The following DHCR7 variants were observed in gnomAD, a reference collection of about 807,000 sequenced individuals.
DHCR7 encodes the protein 7-DHC reductase.
Under a neutral mutation model 43.3 loss-of-function variants are expected in DHCR7, and 40 were observed. That is an observed-to-expected ratio of 0.92 (90% CI 0.72 to 1.20). The LOEUF is 1.20. Ranked by LOEUF, DHCR7 falls within the 50% of genes most tolerant of loss-of-function variation. DHCR7 has a pLI of 0.00. For missense variants in DHCR7, 608 were observed against 644.6 expected (o/e 0.94, Z 0.62); for synonymous variants, 298 against 271.4 (o/e 1.10, Z -0.96).
chr11:71,431,419 C>G (rs1013297112), downstream of DHCR7, among the ~76,000 whole-genome samples: 1 of 152,170 alleles, frequency 6.6e-6, no homozygotes, highest in Non-Finnish European at 1.5e-5. Flanking sequence ...TGCCTCCTGT[C>G]GCTATCACTG....
In DHCR7 at chr11:71,435,666, C is replaced by T. The variant is rs987527099; in HGVS notation, c.1137G>A (p.Glu379=). 1.2e-6 allele frequency: 2 copies of T among 1,613,080 alleles called. No individual in the cohort carries two copies. Among genetic ancestry groups the T allele is most frequent in the Non-Finnish European group, 1.7e-6 (2 of 1,179,928 alleles). Residue 379 remains glutamate (E), a synonymous_variant, in exon 9 of 9, where the codon GAG becomes GAA. Transcript: ENST00000355527. ...LIWGRKPKVI[E]CSYTSADGQR... Reference sequence around the variant, plus strand: ...GCCCATCGGCGGATGTGTAGGAGCACTCGATGACCTTGGGCTTCCTGCCCC... The same window carrying T: ...GCCCATCGGCGGATGTGTAGGAGCATTCGATGACCTTGGGCTTCCTGCCCC...
Position 71,438,987 on chromosome 11 carries a change from C to A in DHCR7, c.723G>T (p.Gly241=), listed in dbSNP as rs369654651. ...GGGTCCAGGCGACGATCCCGGGGCG[C>A]CCATTGAAGAACAGCTTGAAGTCAA... The part of the protein sequence containing the change: ...KWFDFKLFFN[G]RPGIVAWTLI... The change falls in exon 7 of 9, where the codon GGG becomes GGT. Residue 241 remains glycine (G), a synonymous_variant. Coordinates refer to ENST00000355527, the MANE Select transcript of DHCR7 (RefSeq NM_001360.3). 2.7e-5 allele frequency: 43 copies of A among 1,613,964 alleles called. No individual in the cohort carries two copies. Among genetic ancestry groups the A allele is most frequent in the Non-Finnish European group, 3.4e-5 (40 of 1,180,050 alleles).
Position 71,444,949 on chromosome 11 carries a change from C to T in DHCR7, c.4G>A (p.Ala2Thr), listed in dbSNP as rs1393635021. ...GGAATGTTGGGTTGCGATTTTGCAG[C>T]CATTGGGCCCTGCAAGAAAGAGAAC... M[A>T]AKSQPNIPKA... Residue 2 changes from alanine to threonine, a missense_variant, in exon 3 of 9, where the codon GCT (alanine) becomes ACT (threonine). Coordinates refer to ENST00000355527, the MANE Select transcript of DHCR7 (RefSeq NM_001360.3). 1 of 1,614,076 alleles carries T rather than the reference C, an allele frequency of 6.2e-7. No individual in the cohort carries two copies. The highest frequency in any genetic ancestry group is 2.2e-5 in the East Asian group (1 of 44,876).
intron 6 of DHCR7, among the ~76,000 whole-genome samples, chr11:71,440,629 T>C (rs1442204019): frequency 1.4e-5 from 2 of 145,908 alleles, no homozygotes; most frequent in African/African-American, 2.6e-5. Context: ...GGGTGATGGA[T>C]AGGTGGATGG....
In DHCR7 at chr11:71,441,208, C is replaced by T. The variant is rs766274375; in HGVS notation, c.626+19G>A. On this transcript the variant is annotated intron_variant, in intron 6 of 8. Coordinates refer to ENST00000355527, the MANE Select transcript of DHCR7 (RefSeq NM_001360.3). ...TTTGCACTTTCTACATCAGGCTGGA[C>T]CCGCTGCTAAGAACATACCAGTCTC... 4 of 1,613,068 alleles carry T rather than the reference C, an allele frequency of 2.5e-6. No homozygotes were observed. Among genetic ancestry groups the T allele is most frequent in the Admixed American group, 1.7e-5 (1 of 60,030 alleles).
chr11:71,428,964 C>G, intron 2 of DHCR7: 2 of 425,514 alleles, frequency 4.7e-6, no homozygotes, highest in South Asian at 3.5e-5. Flanking sequence ...CCTCACTTAT[C>G]TAAGTCTGTA....
intron 6 of DHCR7, among the ~76,000 whole-genome samples, chr11:71,439,415 T>C (rs1416456303): frequency 6.6e-6 from 1 of 152,206 alleles, no homozygotes; most frequent in Non-Finnish European, 1.5e-5. Context: ...CTTCTCCAGA[T>C]GCCCTTGACG....
intron 6 of DHCR7, among the ~76,000 whole-genome samples, chr11:71,440,732 T>A (rs923474939): frequency 4.1e-5 from 1 of 24,220 alleles, no homozygotes; most frequent in Admixed American, 4.5e-4. Context: ...GGTGGATGGG[T>A]GGGTGGGGAG....
chr11:71,444,078 T>A lies in DHCR7; in HGVS notation c.236A>T (p.His79Leu), dbSNP rs1949377036. The A allele has an allele frequency of 6.2e-7, 1 of 1,613,634 alleles. No individual in the cohort carries two copies. The highest frequency in any genetic ancestry group is 8.5e-7 in the Non-Finnish European group (1 of 1,179,906). The change falls in exon 4 of 9, where the codon CAT (histidine) becomes CTT (leucine). Residue 79 changes from histidine to leucine, a missense_variant. Coordinates refer to ENST00000355527, the MANE Select transcript of DHCR7 (RefSeq NM_001360.3). ...GGCCCAGATGTCCGAGAGCCGAGCA[T>A]GTCCGGTGACGATGTCCACCACAGG... ...TGPVVDIVTG[H>L]ARLSDIWAKT...
At position 71,435,737 on chromosome 11, in the gene DHCR7, G is replaced by T; in HGVS notation, c.1066C>A (p.His356Asn). The part of the protein sequence containing the change: ...VGYYIFRVAN[H>N]QKDLFRRTDG... ...GTGCGGCGGAACAGGTCCTTCTGGTGGTTGGCCACCCGGAAGATGTAGTAG... is the reference window on the plus strand; with the variant it reads ...GTGCGGCGGAACAGGTCCTTCTGGTTGTTGGCCACCCGGAAGATGTAGTAG... Residue 356 changes from histidine to asparagine, a missense_variant, in exon 9 of 9, where the codon CAC becomes AAC. Transcript: ENST00000355527. 2 of 1,612,434 alleles carry T rather than the reference G, an allele frequency of 1.2e-6. No individual in the cohort carries two copies. The highest frequency in any genetic ancestry group is 1.7e-6 in the Non-Finnish European group (2 of 1,179,338).
At chr11:71,429,191 G>C (rs1949215898) in intron 2 of DHCR7, among the ~76,000 whole-genome samples, 2 of 152,208 alleles carry the variant, frequency 1.3e-5, no homozygotes, top group East Asian at 3.9e-4. Flanking sequence ...CAGTGCCAGA[G>C]GCCCAGGGAG....
At chr11:71,437,360 G>A (rs1949294865) in intron 8 of DHCR7, among the ~76,000 whole-genome samples, 1 of 152,306 alleles carries the variant, frequency 6.6e-6, no homozygotes, top group South Asian at 2.1e-4. Flanking sequence ...CCTTACCTGG[G>A]AGCCCAGCAC....
In DHCR7 at chr11:71,435,533, C is replaced by A. The variant is rs368150818; in HGVS notation, c.1270G>T (p.Gly424Cys). The A allele has an allele frequency of 1.3e-5, 21 of 1,610,926 alleles. No individual in the cohort carries two copies. The African/African-American group carries it at 1.9e-4, about 14-fold the overall frequency. ...TAGAAGTAGGGCAGCAGGTGGCCGCCGCCACAGGCCAGGCAGTAGGCCAGG... is the reference window on the plus strand; with the variant it reads ...TAGAAGTAGGGCAGCAGGTGGCCGCAGCCACAGGCCAGGCAGTAGGCCAGG... ...GSLAYCLACG[G>C]GHLLPYFYII... Residue 424 changes from glycine to cysteine, a missense_variant, in exon 9 of 9, where the codon GGC becomes TGC. Coordinates refer to ENST00000355527, the MANE Select transcript of DHCR7 (RefSeq NM_001360.3).
At position 71,439,069 on chromosome 11, in the gene DHCR7, T is replaced by C. The variant is rs1389034393; in HGVS notation, c.641A>G (p.Asn214Ser). 8 of 1,614,000 alleles carry C rather than the reference T, an allele frequency of 5.0e-6. No homozygotes were observed. The highest frequency in any genetic ancestry group is 2.2e-5 in the East Asian group (1 of 44,886). ...GCCCATCATGTAGTTGTAAAAGAAA[T>C]TGCCTGTGAATTTGCTTAAAAATAT... ...TSARDCKFTG[N>S]FFYNYMMGIE... The change falls in exon 7 of 9, where the codon AAT becomes AGT. Residue 214 changes from asparagine to serine, a missense_variant. Transcript: ENST00000355527.
intron 2 of DHCR7, among the ~76,000 whole-genome samples, chr11:71,445,593 G>C (rs1949396331): frequency 6.6e-6 from 1 of 152,190 alleles, no homozygotes; most frequent in Non-Finnish European, 1.5e-5. Context: ...CCCAAGGGCA[G>C]GAATTGTGTG....
At chr11:71,448,079 G>A (rs1348694509) in intron 1 of DHCR7, 1 of 152,478 alleles carries the variant, frequency 6.6e-6, no homozygotes, top group Non-Finnish European at 1.5e-5. Context: ...GCCGGCTCGT[G>A]GGGGAGGGGG....
chr11:71,429,062 G>T (rs1344454864), intron 2 of DHCR7, among the ~76,000 whole-genome samples: 1 of 152,232 alleles, frequency 6.6e-6, no homozygotes, highest in African/African-American at 2.4e-5. Context: ...GCAGCTAAGT[G>T]TTGCAAACAG....
chr11:71,435,241 C>T lies in DHCR7; in HGVS notation c.*134G>A, dbSNP rs1421541266. ...GCGTGATTAGGTACTGGACACCTGC[C>T]AAGTGCTGGGCTCTCTCCAGTTTAC... is the stretch of plus-strand genomic sequence containing the variant. On this transcript the variant is annotated 3_prime_UTR_variant, in exon 9 of 9. Coordinates refer to ENST00000355527, the MANE Select transcript of DHCR7 (RefSeq NM_001360.3). 2 of 943,076 alleles carry T rather than the reference C, an allele frequency of 2.1e-6. No individual in the cohort carries two copies. Among genetic ancestry groups the T allele is most frequent in the Non-Finnish European group, 3.4e-6 (2 of 591,640 alleles). 58.4% of individuals were successfully genotyped at this position (943,076 alleles called of 1,614,324 possible).
At chr11:71,440,942 A>G (rs115445868) in intron 6 of DHCR7, among the ~76,000 whole-genome samples, 61 of 152,296 alleles carry the variant, frequency 4.0e-4, no homozygotes, top group African/African-American at 1.5e-3. Flanking sequence ...GCCCCAAGCC[A>G]GAAGTTTTTC....
Sources: allele counts gnomAD v4.1 joint callset (sites outside exome capture counted in the v4.1 genomes callset), GRCh38; gene constraint gnomAD v4.1.1; transcripts MANE v1.5; gene names NCBI Gene and HGNC (gene_info 2026-07-23, HGNC 2026-07-21).